The following RPS6KC1 variants were observed in gnomAD, a reference collection of about 807,000 sequenced individuals.
RPS6KC1 encodes the protein ribosomal protein S6 kinase C1, also known as inactive ribosomal protein S6 kinase delta-1.
RPS6KC1 carries 54 observed loss-of-function variants against 103.8 expected under a neutral mutation model. The observed-to-expected ratio is 0.52, with a 90% CI of 0.42 to 0.65. The LOEUF is 0.65. Among genes scored for constraint, RPS6KC1 ranks in the 30% least tolerant of loss-of-function variants. The pLI is 0.00. For synonymous variants in RPS6KC1, 439 were observed against 438.7 expected, an observed-to-expected ratio of 1.00 and a Z score of -0.01; for missense variants, 1,151 against 1,253.8, an observed-to-expected ratio of 0.92 and a Z score of 1.24.
At chr1:213,253,205 T>C (rs915424928) in intron 12 of RPS6KC1, among the ~76,000 whole-genome samples, 1 of 152,092 alleles carries the variant, frequency 6.6e-6, no homozygotes, top group African/African-American at 2.4e-5. Context: ...TATGGACTTG[T>C]CTCTGGGAAT....
chr1:213,688,098 G>A, the RPS6KC1 span, among the ~76,000 whole-genome samples: 1 of 152,090 alleles, frequency 6.6e-6, no homozygotes, highest in African/African-American at 2.4e-5. Flanking sequence ...CTTTGCCCAG[G>A]GAAAGATAGC....
chr1:213,277,949 A>G (rs968873179), downstream of RPS6KC1, among the ~76,000 whole-genome samples: 42 of 152,200 alleles, frequency 2.8e-4, no homozygotes, highest in African/African-American at 9.9e-4. Flanking sequence ...CACGCCTGTA[A>G]TCCCAGCACT....
intron 3 of RPS6KC1, among the ~76,000 whole-genome samples, chr1:213,081,683 A>G (rs1439470763): frequency 1.4e-5 from 2 of 142,988 alleles, no homozygotes; most frequent in Non-Finnish European, 3.0e-5. Context: ...TCTCTTTCTC[A>G]TAACTTGCCC....
the RPS6KC1 span, among the ~76,000 whole-genome samples, chr1:213,556,186 G>A: frequency 6.6e-6 from 1 of 152,200 alleles, no homozygotes; most frequent in Non-Finnish European, 1.5e-5. Context: ...TTTAAGACAA[G>A]AGTGTGCATG....
At chr1:213,719,705 T>C in the RPS6KC1 span, among the ~76,000 whole-genome samples, 1 of 152,132 alleles carries the variant, frequency 6.6e-6, no homozygotes, top group African/African-American at 2.4e-5. Context: ...CTACTGCCAG[T>C]GATCCCCATT....
chr1:213,838,602 C>T, the RPS6KC1 span, among the ~76,000 whole-genome samples: 3 of 152,080 alleles, frequency 2.0e-5, no homozygotes, highest in South Asian at 2.1e-4. Context: ...AAAATGAAAC[C>T]TTATTTGTTT....
At chr1:213,153,276 C>G (rs1398663129) in intron 6 of RPS6KC1, among the ~76,000 whole-genome samples, 3 of 147,484 alleles carry the variant, frequency 2.0e-5, no homozygotes, top group Non-Finnish European at 4.5e-5. Flanking sequence ...GAGGGAGAGG[C>G]AAAGGCAGGC....
At chr1:213,213,108 GT>G in intron 8 of RPS6KC1, among the ~76,000 whole-genome samples, 1 of 152,172 alleles carries the variant, frequency 6.6e-6, no homozygotes, top group Non-Finnish European at 1.5e-5. Flanking sequence ...ATACGAGTGG[GT>G]TCTGCCTTTG....
the RPS6KC1 span, among the ~76,000 whole-genome samples, chr1:213,698,058 C>T: frequency 6.6e-6 from 1 of 152,096 alleles, no homozygotes; most frequent in African/African-American, 2.4e-5. Flanking sequence ...ACAGACCATC[C>T]CCAACTTACA....
intron 8 of RPS6KC1, among the ~76,000 whole-genome samples, chr1:213,186,572 G>C (rs962175751): frequency 2.0e-5 from 3 of 152,032 alleles, no homozygotes; most frequent in African/African-American, 7.2e-5. Flanking sequence ...TACTTGGGTT[G>C]AACCTATTTT....
At chr1:213,130,143 T>C (rs1040216841) in intron 6 of RPS6KC1, among the ~76,000 whole-genome samples, 1 of 152,334 alleles carries the variant, frequency 6.6e-6, no homozygotes, top group African/African-American at 2.4e-5. Flanking sequence ...TCAGCATGTC[T>C]TGAAGTCTCT....
At chr1:213,405,571 T>G in the RPS6KC1 span, among the ~76,000 whole-genome samples, 1 of 152,232 alleles carries the variant, frequency 6.6e-6, no homozygotes, top group Non-Finnish European at 1.5e-5. Context: ...GCAGCCATTT[T>G]CAACAAGATC....
At chr1:213,103,061 G>C (rs2082152221) in intron 3 of RPS6KC1, among the ~76,000 whole-genome samples, 1 of 151,980 alleles carries the variant, frequency 6.6e-6, no homozygotes, top group African/African-American at 2.4e-5. Flanking sequence ...TTAGCTGGCT[G>C]TGGTGGCGTG....
the RPS6KC1 span, among the ~76,000 whole-genome samples, chr1:213,480,196 G>T: frequency 1.3e-5 from 2 of 151,960 alleles, no homozygotes; most frequent in Non-Finnish European, 2.9e-5. Flanking sequence ...AATTTGAAGA[G>T]GAGCATTTTC....
chr1:213,773,916 C>G, the RPS6KC1 span, among the ~76,000 whole-genome samples: 1 of 152,210 alleles, frequency 6.6e-6, no homozygotes, highest in Non-Finnish European at 1.5e-5. Context: ...CAAGTGGACA[C>G]AAAGAAACTA....
intron 6 of RPS6KC1, among the ~76,000 whole-genome samples, chr1:213,165,343 G>T (rs999208480): frequency 6.6e-6 from 1 of 152,044 alleles, no homozygotes; most frequent in African/African-American, 2.4e-5. Context: ...TGATTCTCCT[G>T]CCTCAGCCTC....
At chr1:213,500,827 A>G in the RPS6KC1 span, among the ~76,000 whole-genome samples, 1 of 152,212 alleles carries the variant, frequency 6.6e-6, no homozygotes, top group African/African-American at 2.4e-5. Context: ...TTTTAGAATG[A>G]ATTATGGGCT....
chr1:213,472,126 G>C, the RPS6KC1 span, among the ~76,000 whole-genome samples: 2 of 152,104 alleles, frequency 1.3e-5, no homozygotes, highest in Non-Finnish European at 2.9e-5. Flanking sequence ...AAGTGGAGTG[G>C]TTACTTCCTT....
the RPS6KC1 span, among the ~76,000 whole-genome samples, chr1:213,672,535 C>A: frequency 4.6e-5 from 7 of 152,150 alleles, no homozygotes; most frequent in Non-Finnish European, 8.8e-5. Context: ...CTCTGTGATT[C>A]CATGCACCTT....
Sources: allele counts gnomAD v4.1 joint callset (sites outside exome capture counted in the v4.1 genomes callset), GRCh38; gene constraint gnomAD v4.1.1; transcripts MANE v1.5; gene names NCBI Gene and HGNC (gene_info 2026-07-23, HGNC 2026-07-21).